Variants in TP73 observed in about 807,000 individuals in gnomAD.
TP73 encodes the protein tumor protein p73, also known as p53-like transcription factor.
Under a neutral mutation model 62.5 loss-of-function variants are expected in TP73, and 25 were observed. The observed-to-expected ratio is 0.40, with a 90% CI of 0.29 to 0.56. The LOEUF is 0.56. Ranked by LOEUF, TP73 falls within the 20% of genes least tolerant of loss-of-function variation. The pLI, the probability that TP73 is intolerant of heterozygous loss-of-function variation, is 0.46. For synonymous variants in TP73, 423 were observed against 377.5 expected (o/e 1.12, Z -1.40); for missense variants, 754 against 913.3 (o/e 0.83, Z 2.25).
intron 12 of TP73, 106 bp downstream of exon 12, chr1:3,731,171 C>T (rs972795955): frequency 3.3e-5 from 48 of 1,463,046 alleles, no homozygotes; most frequent in African/African-American, 1.1e-4. Flanking sequence ...GCTCACCACT[C>T]GCAACCCTGG....
rs143921472 is a variant in TP73 at position 3,655,113 on chromosome 1, G to A, written c.-34+2472G>A. Among the ~76,000 whole-genome samples, 846 of 152,342 alleles carry A rather than the reference G, an allele frequency of 5.6e-3. 6 individuals carry two copies. Among genetic ancestry groups the A allele is most frequent in the African/African-American group, 0.02 (819 of 41,572 alleles). On this transcript the variant is annotated intron_variant, in intron 1 of 13. Transcript: ENST00000378295. ...TTCAAAACATCCTTTAAGGCCAGGC[G>A]CCGTGGCCCACGCCTGTAATCTCAG...
chr1:3,688,305 G>A (rs779203134), intron 3 of TP73, among the ~76,000 whole-genome samples: 41 of 152,286 alleles, frequency 2.7e-4, no homozygotes, highest in Admixed American at 6.5e-4. Flanking sequence ...CAGCTTCTGC[G>A]GCCTCTTCCA....
rs898728243 is a variant in TP73, at chr1:3,666,931, A to G, written c.-34+14290A>G. 2.6e-5 allele frequency among the ~76,000 whole-genome samples: 4 copies of G among 152,140 alleles called. No homozygotes were observed. Among genetic ancestry groups the G allele is most frequent in the East Asian group, 1.9e-4 (1 of 5,184 alleles). ...GTCCCAATCCCCAGAACCCGTGTCT[A>G]TGTTATTTCCCATGGCAAAGGGGAC... is the stretch of plus-strand genomic sequence containing the variant. On this transcript the variant is annotated intron_variant, in intron 1 of 13. Transcript: ENST00000378295. The surrounding 1 kb of genome is among the most constrained non-coding windows in gnomAD (Gnocchi z 6.4).
intron 3 of TP73, among the ~76,000 whole-genome samples, chr1:3,705,957 G>T (rs1193996995): frequency 1.3e-5 from 2 of 152,250 alleles, no homozygotes; most frequent in East Asian, 3.9e-4. Context: ...GGAAGGGGCT[G>T]AGCCTGGGAG....
chr1:3,727,928 T>G (rs1017946327), intron 8 of TP73, among the ~76,000 whole-genome samples, 158 bp downstream of exon 8: 1 of 152,096 alleles, frequency 6.6e-6, no homozygotes, highest in African/African-American at 2.4e-5. Flanking sequence ...AGCCCCCATA[T>G]AAGTCGCTTG....
chr1:3,715,868 G>C (rs533469562), intron 4 of TP73, among the ~76,000 whole-genome samples: 11 of 152,106 alleles, frequency 7.2e-5, no homozygotes, highest in African/African-American at 2.7e-4. Context: ...CCCCTACCCC[G>C]ATCATAGCCC....
In TP73 at chr1:3,660,787, A is replaced by C. The variant is rs371378640; in HGVS notation, c.-34+8146A>C. ...TAGTTGCTTGCAAAAGCTTTCGGGA[A>C]AGCATCAGAGCCAAACAGTTAACTG... is the stretch of plus-strand genomic sequence containing the variant. On this transcript the variant is annotated intron_variant, in intron 1 of 13. Transcript: ENST00000378295. 2.4e-4 allele frequency among the ~76,000 whole-genome samples: 36 copies of C among 152,346 alleles called. No individual in the cohort carries two copies. In the East Asian group the frequency reaches 2.7e-3, roughly 11 times the overall value.
At chr1:3,730,183 G>A in intron 11 of TP73, 35 bp downstream of exon 11, 1 of 1,482,968 alleles carries the variant, frequency 6.7e-7, no homozygotes, top group Non-Finnish European at 9.0e-7. Context: ...CCACGGGCAG[G>A]GCGGGGAGGC....
At chr1:3,654,776 G>A (rs991218854) in intron 1 of TP73, among the ~76,000 whole-genome samples, 8 of 152,360 alleles carry the variant, frequency 5.3e-5, no homozygotes, top group Middle Eastern at 3.4e-3. Context: ...TGCCCAAGGC[G>A]TGGGTGGAAG....
rs184018471 is a variant in TP73 at position 3,677,823 on chromosome 1, G to A, written c.-33-4510G>A. ...ATTCTCCCACCTCAGCACCCTGCGT[G>A]GTTTGGACTGCAGGCACATGCCATC... On this transcript the variant is annotated intron_variant, in intron 1 of 13. Transcript: ENST00000378295. Among the ~76,000 whole-genome samples the A allele has an allele frequency of 7.6e-4, 116 of 152,002 alleles. 1 individual carries two copies. The highest frequency in any genetic ancestry group is 3.4e-3 in the Middle Eastern group (1 of 294).
chr1:3,711,710 G>A (rs557206309), intron 4 of TP73, among the ~76,000 whole-genome samples: 3 of 152,374 alleles, frequency 2.0e-5, no homozygotes, highest in South Asian at 4.1e-4. Flanking sequence ...GCCATGGCAG[G>A]ATGGTGAGGA....
intron 3 of TP73, among the ~76,000 whole-genome samples, chr1:3,697,082 C>G (rs921700280): frequency 6.6e-6 from 1 of 152,226 alleles, no homozygotes; most frequent in Non-Finnish European, 1.5e-5. Flanking sequence ...AGGCCAGAGC[C>G]CTGGAGGCAC....
At chr1:3,693,240 G>A (rs1021563389) in intron 3 of TP73, among the ~76,000 whole-genome samples, 2 of 152,202 alleles carry the variant, frequency 1.3e-5, no homozygotes, top group African/African-American at 4.8e-5. Flanking sequence ...CTGCAGGAAC[G>A]TATTTTGAGA....
intron 1 of TP73, among the ~76,000 whole-genome samples, chr1:3,669,600 C>T (rs902364982): frequency 6.6e-6 from 1 of 152,260 alleles, no homozygotes; most frequent in Non-Finnish European, 1.5e-5. Context: ...CAGAACCTCC[C>T]AGTTCTCCCC....
intron 4 of TP73, among the ~76,000 whole-genome samples, chr1:3,710,614 G>T (rs552416649): frequency 1.3e-5 from 2 of 152,284 alleles, no homozygotes; most frequent in South Asian, 2.1e-4. Flanking sequence ...CTTTCTCCCC[G>T]ATCAGGAAAA....
At chr1:3,675,570 C>T (rs1410593797) in intron 1 of TP73, among the ~76,000 whole-genome samples, 9 of 152,102 alleles carry the variant, frequency 5.9e-5, no homozygotes, top group Admixed American at 4.6e-4. Flanking sequence ...TCCGGGATGG[C>T]TGGGCCAGAC....
chr1:3,700,921 C>T (rs1318902693), intron 3 of TP73, among the ~76,000 whole-genome samples: 5 of 152,218 alleles, frequency 3.3e-5, no homozygotes, highest in Admixed American at 1.3e-4. Context: ...GATGATGGGG[C>T]CCAGCTCCCC....
chr1:3,658,062 C>A (rs950137086), intron 1 of TP73, among the ~76,000 whole-genome samples: 2 of 152,210 alleles, frequency 1.3e-5, no homozygotes, highest in Admixed American at 6.5e-5. Context: ...GAGGAGACGC[C>A]GTCCCAGTGG....
chr1:3,667,475 G>T (rs895478145), intron 1 of TP73, among the ~76,000 whole-genome samples: 1 of 152,250 alleles, frequency 6.6e-6, no homozygotes, highest in Non-Finnish European at 1.5e-5. Context: ...GGGCAGCTGG[G>T]CGCGGTGGCT....
Sources: allele counts gnomAD v4.1 joint callset (sites outside exome capture counted in the v4.1 genomes callset), GRCh38; gene constraint gnomAD v4.1.1; non-coding constraint Gnocchi (gnomAD v3.1); transcripts MANE v1.5; gene names NCBI Gene and HGNC (gene_info 2026-07-23, HGNC 2026-07-21).